KCNIP4: variants seen among roughly 807,000 people sequenced by gnomAD.
The protein encoded by KCNIP4 is potassium voltage-gated channel interacting protein 4.
Under a neutral mutation model 34.0 loss-of-function variants are expected in KCNIP4, and 12 were observed. The observed-to-expected ratio is 0.35, with a 90% CI of 0.23 to 0.57. KCNIP4 has a LOEUF of 0.57. Among genes scored for constraint, KCNIP4 ranks in the 20% least tolerant of loss-of-function variants. The pLI is 0.83. For synonymous variants in KCNIP4, 124 were observed against 102.2 expected, an observed-to-expected ratio of 1.21 and a Z score of -1.29; for missense variants, 238 against 311.7, an observed-to-expected ratio of 0.76 and a Z score of 1.78.
intron 1 of KCNIP4, among the ~76,000 whole-genome samples, chr4:21,573,490 C>A (rs1005108497): frequency 6.6e-6 from 1 of 151,996 alleles, no homozygotes; most frequent in East Asian, 1.9e-4. Context: ...CTTATTAATT[C>A]TGTTCTCGTT....
chr4:21,560,469 C>T (rs1739421862), intron 1 of KCNIP4, among the ~76,000 whole-genome samples: 1 of 152,062 alleles, frequency 6.6e-6, no homozygotes. Flanking sequence ...ACAAAAACTA[C>T]AGACTTGAAA....
At chr4:21,215,421 C>A (rs745585257) in intron 1 of KCNIP4, among the ~76,000 whole-genome samples, 1 of 152,156 alleles carries the variant, frequency 6.6e-6, no homozygotes, top group African/African-American at 2.4e-5. Flanking sequence ...CAAGCAAATG[C>A]GTGTTCTTTT....
chr4:21,557,488 G>A (rs1432750477), intron 1 of KCNIP4, among the ~76,000 whole-genome samples: 1 of 152,096 alleles, frequency 6.6e-6, no homozygotes, highest in East Asian at 1.9e-4. Context: ...ATATTTTAGT[G>A]GTGATTTTAT....
rs374039044 is a variant in KCNIP4 at position 21,894,519 on chromosome 4, C to A, written c.61+54052G>T. 1.6e-4 allele frequency among the ~76,000 whole-genome samples: 24 copies of A among 152,088 alleles called. No homozygotes were observed. In the South Asian group the frequency reaches 5.0e-3, roughly 32 times the overall value. On this transcript the variant is annotated intron_variant, in intron 1 of 8. Coordinates refer to ENST00000382152, the MANE Select transcript of KCNIP4 (RefSeq NM_025221.6). ...TCATTTGTGACTCTCTGAGGAAACA[C>A]AGAGCTTACAAAAAAGAAACCTAGT...
At chr4:21,605,850 T>C (rs1366628365) in intron 1 of KCNIP4, among the ~76,000 whole-genome samples, 1 of 152,168 alleles carries the variant, frequency 6.6e-6, no homozygotes, top group Non-Finnish European at 1.5e-5. Context: ...AACCATTCCC[T>C]GACCACCATC....
intron 1 of KCNIP4, among the ~76,000 whole-genome samples, chr4:21,041,265 C>CACACACACACAT (rs1553930465): frequency 6.6e-6 from 1 of 151,356 alleles, no homozygotes; most frequent in African/African-American, 2.4e-5. Context: ...CACACACACA[C>CACACACACACAT]GCACATGAAA....
chr4:21,746,454 G>A (rs1716781533), intron 1 of KCNIP4, among the ~76,000 whole-genome samples: 1 of 151,984 alleles, frequency 6.6e-6, no homozygotes, highest in South Asian at 2.1e-4. Flanking sequence ...TCCTGGCAAG[G>A]TTTCAGTTCA....
intron 1 of KCNIP4, among the ~76,000 whole-genome samples, chr4:21,304,802 C>T (rs569117972): frequency 6.6e-6 from 1 of 152,204 alleles, no homozygotes; most frequent in South Asian, 2.1e-4. Context: ...GAATAATAAA[C>T]TAATAAGTAT....
intron 3 of KCNIP4, among the ~76,000 whole-genome samples, chr4:20,783,928 A>G (rs1390438641): frequency 6.6e-6 from 1 of 152,132 alleles, no homozygotes; most frequent in African/African-American, 2.4e-5. Context: ...GAGCCCTTAC[A>G]TATATCTGGC....
intron 1 of KCNIP4, among the ~76,000 whole-genome samples, chr4:21,007,176 T>C (rs1738645566): frequency 6.6e-6 from 1 of 152,184 alleles, no homozygotes; most frequent in African/African-American, 2.4e-5. Context: ...TGGTGATTTT[T>C]AAAGATCTTC....
intron 1 of KCNIP4, among the ~76,000 whole-genome samples, chr4:21,390,563 C>G (rs1181344746): frequency 6.6e-6 from 1 of 152,130 alleles, no homozygotes; most frequent in South Asian, 2.1e-4. Context: ...ATAGGGAATC[C>G]TTTCCCCATT....
chr4:21,462,429 TACTC>T (rs562758174), intron 1 of KCNIP4, among the ~76,000 whole-genome samples: 54 of 152,190 alleles, frequency 3.5e-4, no homozygotes, highest in African/African-American at 1.1e-3. Flanking sequence ...TCATGAGACT[TACTC>T]ACTATCACCA....
At chr4:21,383,022 G>C (rs1721661261) in intron 1 of KCNIP4, among the ~76,000 whole-genome samples, 1 of 152,136 alleles carries the variant, frequency 6.6e-6, no homozygotes, top group South Asian at 2.1e-4. Context: ...CCATTAGGGT[G>C]GGCTCTAATC....
chr4:21,809,472 C>T (rs529634501), intron 1 of KCNIP4, among the ~76,000 whole-genome samples: 2 of 152,142 alleles, frequency 1.3e-5, no homozygotes, highest in Non-Finnish European at 1.5e-5. Flanking sequence ...TGATCTAATT[C>T]CCATAATGCA....
At chr4:21,861,579 C>T (rs964216132) in intron 1 of KCNIP4, among the ~76,000 whole-genome samples, 11 of 145,168 alleles carry the variant, frequency 7.6e-5, no homozygotes, top group African/African-American at 2.6e-4. Flanking sequence ...TAAGCCGGGA[C>T]ACAGGAGGCG....
chr4:20,986,576 A>T (rs1375306433), intron 1 of KCNIP4, among the ~76,000 whole-genome samples: 1 of 152,234 alleles, frequency 6.6e-6, no homozygotes, highest in Non-Finnish European at 1.5e-5. Flanking sequence ...GTTGAAAACA[A>T]CTAAAGTACT....
At chr4:21,290,778 C>T (rs1763398474) in intron 1 of KCNIP4, among the ~76,000 whole-genome samples, 1 of 152,144 alleles carries the variant, frequency 6.6e-6, no homozygotes, top group African/African-American at 2.4e-5. Flanking sequence ...CAGGAAACCA[C>T]ATTGGTTATG....
chr4:21,217,265 A>G (rs16870600), intron 1 of KCNIP4, among the ~76,000 whole-genome samples: 328 of 152,282 alleles, frequency 2.2e-3, no homozygotes, highest in African/African-American at 7.5e-3. Context: ...ATAAGGGCTC[A>G]ATAATAAGAG....
At chr4:20,762,592 T>G (rs2149364716) in intron 3 of KCNIP4, among the ~76,000 whole-genome samples, 1 of 152,368 alleles carries the variant, frequency 6.6e-6, no homozygotes, top group Non-Finnish European at 1.5e-5. Flanking sequence ...GTCTCTCTAC[T>G]TCTCTATCAA....
Sources: allele counts gnomAD v4.1 joint callset (sites outside exome capture counted in the v4.1 genomes callset), GRCh38; gene constraint gnomAD v4.1.1; transcripts MANE v1.5; gene names NCBI Gene and HGNC (gene_info 2026-07-23, HGNC 2026-07-21).